Variants in UVSSA observed in about 807,000 individuals in gnomAD.
UVSSA encodes the protein UV-stimulated scaffold protein A.
A neutral mutation model predicts 73.9 loss-of-function variants in UVSSA; 72 were observed. The ratio of observed to expected loss-of-function variants is 0.97; its 90% CI spans 0.81 to 1.19. The LOEUF (loss-of-function observed/expected upper bound fraction) is 1.19, where lower values mean the gene tolerates loss of function less well. Ranked by LOEUF, UVSSA falls within the 50% of genes most tolerant of loss-of-function variation. UVSSA has a pLI of 0.00. For synonymous variants in UVSSA, 454 were observed against 391.3 expected (o/e 1.16, Z -1.89); for missense variants, 1,150 against 965.0 (o/e 1.19, Z -2.54).
chr4:1,367,328 G>A (rs1717463699), intron 8 of UVSSA, among the ~76,000 whole-genome samples: 2 of 152,246 alleles, frequency 1.3e-5, no homozygotes, highest in Admixed American at 1.3e-4. Flanking sequence ...TGTTTGCATG[G>A]AGGGGAGGCA....
At position 1,380,582 on chromosome 4, in the gene UVSSA, G is replaced by T. The variant is rs374149868; in HGVS notation, c.1753-298G>T. The stretch of plus-strand genomic sequence containing the variant: ...CAGGGGGCCAGGGCAGCTCCCAGCC[G>T]GGCAGCTGGGCATGGTGCAGGGGGG... On this transcript the variant is annotated intron_variant, in intron 11 of 13. Coordinates refer to ENST00000389851, the MANE Select transcript of UVSSA (RefSeq NM_020894.4). The T allele has an allele frequency of 3.6e-6, 5 of 1,397,834 alleles. No individual in the cohort carries two copies. The East Asian group carries it at 1.4e-4, about 38-fold the overall frequency. The allele number at this position is 1,397,834 out of a possible 1,614,324, so 86.6% of individuals were successfully genotyped here.
At chr4:1,344,541 ACT>A (rs1379721220), upstream of UVSSA, among the ~76,000 whole-genome samples, 4 of 152,148 alleles carry the variant, frequency 2.6e-5, no homozygotes, top group African/African-American at 9.7e-5. Context: ...ACAGAGCAAG[ACT>A]CTGTCTCAAA....
intron 10 of UVSSA, among the ~76,000 whole-genome samples, 168 bp downstream of exon 10, chr4:1,376,336 T>C (rs1718766850): frequency 1.3e-5 from 2 of 152,338 alleles, no homozygotes; most frequent in African/African-American, 4.8e-5. Flanking sequence ...GGGCCTCCCC[T>C]GCTGATCCGG....
chr4:1,395,831 T>A, exon 14 of UVSSA: 1 of 1,613,756 alleles, frequency 6.2e-7, no homozygotes, highest in Non-Finnish European at 8.5e-7. Context: ...TTTATATTTC[T>A]CTGCACCTCG....
intron 8 of UVSSA, among the ~76,000 whole-genome samples, chr4:1,371,729 C>T (rs887506944): frequency 2.0e-4 from 30 of 152,268 alleles, no homozygotes; most frequent in African/African-American, 5.5e-4. Flanking sequence ...TTCACTCTCA[C>T]GGGGACAGCA....
At chr4:1,380,820 GA>G in intron 11 of UVSSA, 59 bp from the exon 12 acceptor site, 1 of 1,594,838 alleles carries the variant, frequency 6.3e-7, no homozygotes, top group Non-Finnish European at 8.6e-7. Flanking sequence ...GTGGTGGGGG[GA>G]GGTGGTCAAG....
chr4:1,369,158 C>T (rs1443753342), intron 8 of UVSSA, among the ~76,000 whole-genome samples: 5 of 152,258 alleles, frequency 3.3e-5, no homozygotes, highest in South Asian at 2.1e-4. Context: ...TTGAAGGTGC[C>T]GATGTGCCCT....
intron 5 of UVSSA, among the ~76,000 whole-genome samples, chr4:1,353,622 A>G (rs921403138): frequency 2.6e-5 from 4 of 152,140 alleles, no homozygotes; most frequent in African/African-American, 7.2e-5. Context: ...CCACAGGGAC[A>G]CTTCTAAGAG....
chr4:1,375,144 C>T (rs1718594129), intron 8 of UVSSA: 4 of 661,840 alleles, frequency 6.0e-6, no homozygotes, highest in Non-Finnish European at 5.1e-6. Flanking sequence ...GCGGGACTGC[C>T]GGACCCCCCG....
At chr4:1,362,439 G>C (rs1384845282) in intron 7 of UVSSA, among the ~76,000 whole-genome samples, 1 of 152,256 alleles carries the variant, frequency 6.6e-6, no homozygotes, top group Non-Finnish European at 1.5e-5. Context: ...CAGGTGACCT[G>C]TGCCTCCCAT....
upstream of UVSSA, chr4:1,347,126 TCCGGCCCAGGG>T (rs1713798856): frequency 6.6e-6 from 1 of 151,672 alleles, no homozygotes; most frequent in Admixed American, 6.6e-5. Flanking sequence ...TCCTGATGCG[TCCGGCCCAGGG>T]CCAGCCAATG....
intron 10 of UVSSA, among the ~76,000 whole-genome samples, chr4:1,378,761 G>C (rs975112498): frequency 1.3e-5 from 2 of 152,336 alleles, no homozygotes; most frequent in Admixed American, 6.5e-5. Context: ...GCAGCAGGAA[G>C]CATTTGGCCG....
In UVSSA at chr4:1,382,405, C is replaced by T. The variant is rs140500319; in HGVS notation, c.1862-1361C>T. ...TATTGATCCCCGCCTCCCTCGCGCA[C>T]GGCGCAATTTTCCTTTCCCTGGTGC... is the stretch of plus-strand genomic sequence containing the variant. On this transcript the variant is annotated intron_variant, in intron 12 of 13. Coordinates refer to ENST00000389851, the MANE Select transcript of UVSSA (RefSeq NM_020894.4). 8.5e-4 allele frequency among the ~76,000 whole-genome samples: 130 copies of T among 152,354 alleles called. No individual in the cohort carries two copies. The South Asian group carries it at 0.011, about 13-fold the overall frequency.
chr4:1,380,920 G>A lies in UVSSA; in HGVS notation c.1793G>A (p.Gly598Glu), dbSNP rs142276654. The stretch of plus-strand genomic sequence containing the variant: ...AAGATTGTTCCACGGGACGACGAAG[G>A]ACGGCCGCTCGACCCGGAAGACAGG... ...HGKIVPRDDEGRPLDPEDRAR... is the reference protein window; with the variant it reads ...HGKIVPRDDEERPLDPEDRAR... The change falls in exon 12 of 14, where the codon GGA becomes GAA. Residue 598 changes from glycine (G) to glutamate (E), a missense_variant. By Grantham distance (98) the Gly-to-Glu change is moderately conservative. Coordinates refer to ENST00000389851, the MANE Select transcript of UVSSA (RefSeq NM_020894.4). 2.2e-5 allele frequency: 36 copies of A among 1,612,980 alleles called. No homozygotes were observed. The African/African-American group carries it at 4.0e-4, about 18-fold the overall frequency.
In UVSSA at chr4:1,349,613, A is replaced by C; in HGVS notation, c.188A>C (p.Gln63Pro). 6.2e-7 allele frequency: 1 copy of C among 1,614,082 alleles called. No individual in the cohort carries two copies. The highest frequency in any genetic ancestry group is 8.5e-7 in the Non-Finnish European group (1 of 1,180,006). Reference protein sequence around the residue: ...EHAEIRLSAFQIVEELFVRSH... With the variant: ...EHAEIRLSAFPIVEELFVRSH... ...GCCGAGATCCGTCTCTCAGCCTTCC[A>C]GATTGTGGAGGAACTCTTCGTCAGG... The change falls in exon 3 of 14, where the codon CAG becomes CCG. Residue 63 changes from glutamine to proline, a missense_variant. Gln to Pro is a moderately conservative substitution (Grantham distance 76, BLOSUM62 -1). Transcript: ENST00000389851.
chr4:1,380,089 G>A lies in UVSSA; in HGVS notation c.1611G>A (p.Glu537=). 2 of 1,612,172 alleles carry A rather than the reference G, an allele frequency of 1.2e-6. No homozygotes were observed. The highest frequency in any genetic ancestry group is 2.2e-5 in the South Asian group (2 of 90,778). The change falls in exon 11 of 14, where the codon GAG becomes GAA. Residue 537 remains glutamate, a synonymous_variant. Transcript: ENST00000389851. ...QHRFWKPSEV[E]EEVVNADISE... Reference sequence around the variant, plus strand: ...GCTTCTGGAAGCCCAGCGAGGTGGAGGAGGAAGTGGTCAATGCCGACATCT... The same window carrying A: ...GCTTCTGGAAGCCCAGCGAGGTGGAAGAGGAAGTGGTCAATGCCGACATCT...
intron 13 of UVSSA, chr4:1,384,302 C>A: frequency 3.8e-6 from 1 of 262,724 alleles, no homozygotes; most frequent in Non-Finnish European, 7.3e-6. Flanking sequence ...TCAGTGCCTG[C>A]GTATTTCTGC....
rs984660623 is a variant in UVSSA at position 1,354,906 on chromosome 4, G to C, written c.1047+59G>C. 6.1e-6 allele frequency: 9 copies of C among 1,473,358 alleles called. No homozygotes were observed. In the South Asian group the frequency reaches 9.4e-5, roughly 15 times the overall value. The allele number at this position is 1,473,358 out of a possible 1,614,324, so 91.3% of individuals were successfully genotyped here. On this transcript the variant is annotated intron_variant, in intron 6 of 13. Transcript: ENST00000389851. ...GACGTGTGCAGAGTGCCATGCATGG[G>C]GGGGGTCCCTTTCTTGGGGGGACTG...
intron 11 of UVSSA, 102 bp downstream of exon 11, chr4:1,380,332 T>G: frequency 7.3e-7 from 1 of 1,379,068 alleles, no homozygotes; most frequent in South Asian, 1.4e-5. Flanking sequence ...GTCAGGGTGC[T>G]TGTGAGCACT....
Sources: allele counts gnomAD v4.1 joint callset (sites outside exome capture counted in the v4.1 genomes callset), GRCh38; gene constraint gnomAD v4.1.1; transcripts MANE v1.5; gene names NCBI Gene and HGNC (gene_info 2026-07-23, HGNC 2026-07-21).